Variants in TUT4 observed in about 807,000 individuals in gnomAD.
The protein encoded by TUT4 is terminal uridylyltransferase 4.
A neutral mutation model predicts 192.2 loss-of-function variants in TUT4; 36 were observed. The observed-to-expected ratio is 0.19, with a 90% confidence interval of 0.14 to 0.25. TUT4 has a LOEUF of 0.25. Among genes scored for constraint, TUT4 ranks in the 10% least tolerant of loss-of-function variants. TUT4 has a pLI of 1.00. For synonymous variants in TUT4, 618 were observed against 666.0 expected, an observed-to-expected ratio of 0.93 and a Z score of 1.11; for missense variants, 1,493 against 1,957.2, an observed-to-expected ratio of 0.76 and a Z score of 4.47.
chr1:52,475,045 CA>C lies in TUT4; in HGVS notation c.2513del (p.Leu838CysfsTer19). The stretch of plus-strand genomic sequence containing the variant: ...ATTTATCTGGGTCAGGCGACTTAGA[CA>C]AATCAATGCAATTACATTGGCTGAG... Reference protein sequence around the residue: ...KELSQCNCIDLSKSPDPDKST... With the variant: ...KELSQCNCIDXSKSPDPDKST... On this transcript the variant is annotated frameshift_variant, in exon 13 of 30. Transcript: ENST00000257177. LOFTEE classifies it high-confidence loss of function. 6.2e-7 allele frequency: 1 copy of C among 1,614,118 alleles called. No homozygotes were observed. The highest frequency in any genetic ancestry group is 8.5e-7 in the Non-Finnish European group (1 of 1,180,016).
intron 2 of TUT4, among the ~76,000 whole-genome samples, chr1:52,522,181 G>A (rs1467621163): frequency 6.6e-6 from 1 of 152,104 alleles, no homozygotes; most frequent in Admixed American, 6.5e-5. Flanking sequence ...TTTAAAACAT[G>A]AGAAGCACTT....
intron 28 of TUT4, among the ~76,000 whole-genome samples, chr1:52,427,594 T>C (rs1233552659): frequency 6.6e-6 from 1 of 152,222 alleles, no homozygotes; most frequent in East Asian, 1.9e-4. Flanking sequence ...TGTTGAATGA[T>C]ATATGAGAAG....
intron 1 of TUT4, among the ~76,000 whole-genome samples, chr1:52,543,208 T>TAC (rs889741565): frequency 2.0e-5 from 3 of 152,106 alleles, no homozygotes; most frequent in East Asian, 1.9e-4. Flanking sequence ...CTAAAGATTA[T>TAC]ACACACACAC....
chr1:52,537,781 C>T lies in TUT4; in HGVS notation c.-93-11408G>A, dbSNP rs141140738. ...TACAAAAATTAGCCAGGCATGGTGG[C>T]GCGTGCCTGTAATCCCAGCTACTCA... On this transcript the variant is annotated intron_variant, in intron 1 of 29. Coordinates refer to ENST00000257177, the MANE Select transcript of TUT4 (RefSeq NM_001009881.3). 5.0e-3 allele frequency among the ~76,000 whole-genome samples: 764 copies of T among 152,092 alleles called. 8 individuals carry two copies. The highest frequency in any genetic ancestry group is 0.017 in the African/African-American group (707 of 41,482).
intron 24 of TUT4, among the ~76,000 whole-genome samples, chr1:52,440,959 T>C (rs765098104): frequency 1.3e-5 from 2 of 152,192 alleles, no homozygotes; most frequent in Non-Finnish European, 2.9e-5. Context: ...GGTTCAAAGT[T>C]AGTGTTCCCT....
chr1:52,506,894 G>GT (rs1675746856), intron 4 of TUT4, among the ~76,000 whole-genome samples: 1 of 152,042 alleles, frequency 6.6e-6, no homozygotes, highest in Non-Finnish European at 1.5e-5. Context: ...GAGTATTTTT[G>GT]TATTTCTGTA....
intron 1 of TUT4, among the ~76,000 whole-genome samples, chr1:52,545,565 CA>C (rs1687856352): frequency 6.6e-6 from 1 of 151,980 alleles, no homozygotes; most frequent in South Asian, 2.1e-4. Context: ...CAGACGGCCA[CA>C]AGCACGTGAA....
At chr1:52,526,574 G>A (rs904718093) in intron 1 of TUT4, among the ~76,000 whole-genome samples, 2 of 151,282 alleles carry the variant, frequency 1.3e-5, no homozygotes, top group Non-Finnish European at 2.9e-5. Context: ...CTCATCAAGG[G>A]AATTCTAATG....
At chr1:52,438,779 T>A (rs1048348440) in intron 24 of TUT4, among the ~76,000 whole-genome samples, 1 of 152,122 alleles carries the variant, frequency 6.6e-6, no homozygotes, top group Non-Finnish European at 1.5e-5. Context: ...CTGTACAAAA[T>A]TGCCTGTAGG....
intron 2 of TUT4, among the ~76,000 whole-genome samples, chr1:52,517,143 A>G (rs1390782268): frequency 6.6e-6 from 1 of 152,148 alleles, no homozygotes; most frequent in Non-Finnish European, 1.5e-5. Context: ...TTGTTTCCAT[A>G]AGCCAGTCTG....
At chr1:52,503,952 C>T (rs1674832795) in intron 4 of TUT4, among the ~76,000 whole-genome samples, 1 of 152,170 alleles carries the variant, frequency 6.6e-6, no homozygotes, top group African/African-American at 2.4e-5. Flanking sequence ...CTGAAGTTTA[C>T]CAAACCTGAA....
chr1:52,429,275 C>T (rs1287288211), intron 28 of TUT4, among the ~76,000 whole-genome samples: 3 of 151,252 alleles, frequency 2.0e-5, no homozygotes, highest in South Asian at 4.2e-4. Flanking sequence ...TAAGTAGAGA[C>T]GGGGTTTCAC....
intron 28 of TUT4, among the ~76,000 whole-genome samples, chr1:52,428,294 T>G (rs988817900): frequency 2.6e-5 from 4 of 151,924 alleles, no homozygotes; most frequent in African/African-American, 7.3e-5. Flanking sequence ...GAGACCATCC[T>G]GGCCAACATG....
Position 52,448,098 on chromosome 1 carries a change from T to C in TUT4, c.3436-1431A>G, listed in dbSNP as rs573685901. Among the ~76,000 whole-genome samples, 4 of 152,348 alleles carry C rather than the reference T, an allele frequency of 2.6e-5. No homozygotes were observed. In the South Asian group the frequency reaches 6.2e-4, roughly 24 times the overall value. On this transcript the variant is annotated intron_variant, in intron 20 of 29. Coordinates refer to ENST00000257177, the MANE Select transcript of TUT4 (RefSeq NM_001009881.3). ...TTATCTCTGAAACCCAGAACCCTAC[T>C]AGACCAAAGCCACATAGAGAACACT...
intron 28 of TUT4, among the ~76,000 whole-genome samples, chr1:52,430,290 C>CT (rs200459155): frequency 5.2e-4 from 79 of 151,898 alleles, no homozygotes; most frequent in Non-Finnish European, 2.9e-4. Flanking sequence ...TTTCCTTGAT[C>CT]TTTTTTTTGT....
At chr1:52,429,123 G>C (rs559009517) in intron 28 of TUT4, among the ~76,000 whole-genome samples, 1 of 134,340 alleles carries the variant, frequency 7.4e-6, no homozygotes, top group African/African-American at 2.9e-5. Flanking sequence ...TCGCTCTGTC[G>C]CCCAGGCTGG....
At chr1:52,522,543 T>A (rs1680556094) in intron 2 of TUT4, among the ~76,000 whole-genome samples, 1 of 152,240 alleles carries the variant, frequency 6.6e-6, no homozygotes. Flanking sequence ...GTAAAGAAGC[T>A]GGAATTCAAA....
intron 20 of TUT4, among the ~76,000 whole-genome samples, chr1:52,449,765 A>G (rs898986796): frequency 7.2e-5 from 11 of 152,194 alleles, no homozygotes; most frequent in Non-Finnish European, 1.6e-4. Flanking sequence ...GTATTTATGA[A>G]ACTATTACTT....
intron 4 of TUT4, among the ~76,000 whole-genome samples, chr1:52,497,730 T>C (rs1672815974): frequency 6.6e-6 from 1 of 152,262 alleles, no homozygotes. Context: ...CTTTGCTATA[T>C]ATATGCAATG....
Sources: gnomAD v4.1 joint callset for allele counts (sites outside exome capture counted in the v4.1 genomes callset) on GRCh38, gnomAD v4.1.1 for gene constraint, MANE v1.5 for transcripts, NCBI Gene and HGNC (gene_info 2026-07-23, HGNC 2026-07-21) for gene names.